Variants in CACNA1C observed in about 807,000 individuals in gnomAD.
CACNA1C encodes voltage-dependent L-type calcium channel subunit alpha-1C.
A neutral mutation model predicts 229.0 loss-of-function variants in CACNA1C; 30 were observed. The ratio of observed to expected loss-of-function variants is 0.13; its 90% CI spans 0.10 to 0.18. CACNA1C has a LOEUF of 0.18. Ranked by LOEUF, CACNA1C falls within the 10% of genes least tolerant of loss-of-function variation. The probability of loss-of-function intolerance (pLI) is 1.00; values close to 1 mark genes in which losing one functional copy is unlikely to be tolerated. For synonymous variants in CACNA1C, 1,114 were observed against 1,132.5 expected (o/e 0.98, Z 0.33); for missense variants, 1,658 against 2,845.0 (o/e 0.58, Z 9.49).
Position 2,595,926 on chromosome 12 carries a change from A to C in CACNA1C, c.2716A>C (p.Ile906Leu). Reference sequence around the variant, plus strand: ...CAATGACACGATCTTCACCAACCTGATCCTCTTCTTCATTCTGCTCAGCAG... The same window carrying C: ...CAATGACACGATCTTCACCAACCTGCTCCTCTTCTTCATTCTGCTCAGCAG... Reference protein sequence around the residue: ...IVNDTIFTNLILFFILLSSIS... With the variant: ...IVNDTIFTNLLLFFILLSSIS... Residue 906 changes from isoleucine to leucine, a missense_variant, in exon 20 of 47, where the codon ATC becomes CTC. By Grantham distance (5) the Ile-to-Leu change is conservative. Around this residue, in one of 20 missense-constraint regions of CACNA1C, gnomAD observed 52 missense variants for 99.0 expected, o/e 0.53. Transcript: ENST00000399655. This position sits in a 1 kb window ranked among gnomAD's most constrained non-coding sequence, Gnocchi z 4.1. The C allele has an allele frequency of 6.2e-7, 1 of 1,613,472 alleles. No individual in the cohort carries two copies. The highest frequency in any genetic ancestry group is 8.5e-7 in the Non-Finnish European group (1 of 1,179,690).
rs180710267 is a variant in CACNA1C, at chr12:2,280,147, A to G, written c.477+159717A>G. Among the ~76,000 whole-genome samples the G allele has an allele frequency of 4.6e-5, 7 of 151,888 alleles. 1 individual carries two copies. In the South Asian group the frequency reaches 1.5e-3, roughly 32 times the overall value. ...CTGTGCTTCGGTTTAACCTCTTGAT[A>G]CTTTGCTGTGCTTCGGTTTAACCTC... On this transcript the variant is annotated intron_variant, in intron 3 of 46. Transcript: ENST00000399655.
chr12:2,476,700 T>C (rs939265092), intron 5 of CACNA1C, among the ~76,000 whole-genome samples: 4 of 152,238 alleles, frequency 2.6e-5, no homozygotes, highest in Admixed American at 1.3e-4. Context: ...TAATTACTCC[T>C]AAAGTTTTAA....
intron 3 of CACNA1C, among the ~76,000 whole-genome samples, chr12:2,415,900 G>A (rs746807210): frequency 5.3e-5 from 8 of 152,126 alleles, no homozygotes; most frequent in Admixed American, 1.3e-4. Context: ...CGCATTTCCC[G>A]GCCACCCTTC....
rs1355674360 is a variant in CACNA1C at position 2,677,522 on chromosome 12, C to G, written c.4957-211C>G. 22 of 637,746 alleles carry G rather than the reference C, an allele frequency of 3.4e-5. No homozygotes were observed. Among genetic ancestry groups the G allele is most frequent in the South Asian group, 2.0e-4 (10 of 50,150 alleles). The allele number at this position is 637,746 out of a possible 1,614,324, so 39.5% of individuals were successfully genotyped here. On this transcript the variant is annotated intron_variant, in intron 40 of 46. Transcript: ENST00000399655. This position sits in a 1 kb window ranked among gnomAD's most constrained non-coding sequence, Gnocchi z 7.4. Reference sequence around the variant, plus strand: ...ACCCCTGGTGCCCCGTCCTAATGAGCCTTCATCCCTCCTGGATGGGCGAGT... The same window carrying G: ...ACCCCTGGTGCCCCGTCCTAATGAGGCTTCATCCCTCCTGGATGGGCGAGT...
intron 3 of CACNA1C, among the ~76,000 whole-genome samples, chr12:2,209,891 C>T (rs2097864963): frequency 6.6e-6 from 1 of 152,186 alleles, no homozygotes; most frequent in Non-Finnish European, 1.5e-5. Context: ...GTGCTGCATA[C>T]TCTTAAAAAT....
chr12:2,450,553 CAAAAAAA>C lies in CACNA1C; in HGVS notation c.617+1457_617+1463del, dbSNP rs796416420. The stretch of plus-strand genomic sequence containing the variant: ...TGGGCAACAGAGCGAGACTCCATCT[CAAAAAAA>C]AAAAAAAAAAAAAAAAAACGCAGGT... On this transcript the variant is annotated intron_variant, in intron 4 of 46. Transcript: ENST00000399655. Among the ~76,000 whole-genome samples, 8 of 39,016 alleles carry C rather than the reference CAAAAAAA, an allele frequency of 2.1e-4. No individual in the cohort carries two copies. The South Asian group carries it at 6.0e-3, about 29-fold the overall frequency. 25.6% of individuals were successfully genotyped at this position (39,016 alleles called of 152,430 possible).
intron 3 of CACNA1C, among the ~76,000 whole-genome samples, chr12:2,324,843 A>C (rs1042582126): frequency 1.3e-4 from 20 of 152,028 alleles, no homozygotes; most frequent in Admixed American, 2.0e-4. Context: ...CCATGTGATG[A>C]ACTCTGTCAG....
intron 18 of CACNA1C, among the ~76,000 whole-genome samples, chr12:2,591,583 A>G (rs191199299): frequency 2.6e-5 from 4 of 152,138 alleles, no homozygotes; most frequent in Non-Finnish European, 5.9e-5. Flanking sequence ...GGAGGATGCT[A>G]TCTGGATTGG....
rs773511595 is a variant in CACNA1C, at chr12:2,287,122, G to T, written c.478-161854G>T. Among the ~76,000 whole-genome samples the T allele has an allele frequency of 6.6e-6, 1 of 152,328 alleles. No individual in the cohort carries two copies. The highest frequency in any genetic ancestry group is 1.5e-5 in the Non-Finnish European group (1 of 68,028). The stretch of plus-strand genomic sequence containing the variant: ...CCCAGTTGACAGAGGGCTCTTTACC[G>T]TTAGGACCCCTTCTGGGTTTCTCAA... On this transcript the variant is annotated intron_variant, in intron 3 of 46. Coordinates refer to ENST00000399655, the MANE Select transcript of CACNA1C (RefSeq NM_000719.7). This position sits in a 1 kb window ranked among gnomAD's most constrained non-coding sequence, Gnocchi z 4.6.
intron 1 of CACNA1C, chr12:2,020,471 A>G (rs1203172401): frequency 6.6e-6 from 1 of 152,222 alleles, no homozygotes; most frequent in South Asian, 2.1e-4. Context: ...TTCCTGAAGT[A>G]AGGCTGCATG....
At chr12:2,323,774 T>C (rs987849352) in intron 3 of CACNA1C, among the ~76,000 whole-genome samples, 11 of 152,170 alleles carry the variant, frequency 7.2e-5, no homozygotes, top group Admixed American at 5.2e-4. Flanking sequence ...AGGGTGGGTC[T>C]AATGGAGGCT....
rs188373866 is a variant in CACNA1C, at chr12:2,615,373, A to G, written c.3828+3360A>G. Among the ~76,000 whole-genome samples, 306 of 152,362 alleles carry G rather than the reference A, an allele frequency of 2.0e-3. 1 individual carries two copies. Among genetic ancestry groups the G allele is most frequent in the Non-Finnish European group, 3.4e-3 (230 of 68,036 alleles). ...ACTGAAAAATATGCAATGCCTGGGG[A>G]AAAAGTCTAACAGAAATGGCTAAGA... On this transcript the variant is annotated intron_variant, in intron 29 of 46. Transcript: ENST00000399655.
chr12:2,667,025 A>G (rs1434937877), intron 37 of CACNA1C, among the ~76,000 whole-genome samples: 1 of 152,176 alleles, frequency 6.6e-6, no homozygotes, highest in Non-Finnish European at 1.5e-5. Context: ...CCACTGCACC[A>G]TCCGGGCATC....
chr12:2,352,135 G>A (rs531286302), intron 3 of CACNA1C, among the ~76,000 whole-genome samples: 2 of 152,298 alleles, frequency 1.3e-5, no homozygotes, highest in South Asian at 4.1e-4. Context: ...TTGGTGTGAA[G>A]ACAGACAGTC....
At chr12:2,496,555 A>C (rs12319670) in intron 7 of CACNA1C, among the ~76,000 whole-genome samples, 2 of 152,184 alleles carry the variant, frequency 1.3e-5, no homozygotes, top group African/African-American at 4.8e-5. Flanking sequence ...ACTTGCTTCC[A>C]GTTGTGGATG....
intron 1 of CACNA1C, among the ~76,000 whole-genome samples, chr12:2,007,441 C>T (rs376736764): frequency 5.3e-5 from 8 of 152,324 alleles, no homozygotes; most frequent in East Asian, 3.9e-4. Flanking sequence ...ATCTGTATGA[C>T]TACAATTGCA....
At chr12:2,119,681 G>T (rs1206408698) in intron 2 of CACNA1C, among the ~76,000 whole-genome samples, 1 of 152,162 alleles carries the variant, frequency 6.6e-6, no homozygotes. Flanking sequence ...GGGTTTCTAT[G>T]CTGTCTGTGA....
At chr12:2,045,391 G>A (rs1566022646) in intron 1 of CACNA1C, among the ~76,000 whole-genome samples, 1 of 152,334 alleles carries the variant, frequency 6.6e-6, no homozygotes, top group Non-Finnish European at 1.5e-5. Flanking sequence ...TAGGGAGGTT[G>A]AGGATCAGAA....
chr12:1,995,677 C>G (rs956948788), intron 1 of CACNA1C, among the ~76,000 whole-genome samples: 1 of 152,248 alleles, frequency 6.6e-6, no homozygotes, highest in African/African-American at 2.4e-5. Flanking sequence ...CATGCCCACA[C>G]TTTGCCCCAA....
Sources: gnomAD v4.1 joint callset for allele counts (sites outside exome capture counted in the v4.1 genomes callset) on GRCh38, gnomAD v4.1.1 for gene constraint, gnomAD v4.1.1 regional missense constraint, Gnocchi (gnomAD v3.1) non-coding constraint, MANE v1.5 for transcripts, NCBI Gene and HGNC (gene_info 2026-07-23, HGNC 2026-07-21) for gene names.